The following MICAL2 variants were observed in gnomAD, a reference collection of about 807,000 sequenced individuals.
MICAL2 encodes the protein microtubule associated monooxygenase, calponin and LIM domain containing 2, also known as [F-actin]-monooxygenase MICAL2.
In MICAL2, 77 loss-of-function variants were observed where a neutral mutation model predicts 127.3. The ratio of observed to expected loss-of-function variants is 0.60; its 90% CI spans 0.50 to 0.73. The LOEUF is 0.73. Among genes scored for constraint, MICAL2 ranks in the 30% least tolerant of loss-of-function variants. MICAL2 has a pLI of 0.00. For synonymous variants in MICAL2, 570 were observed against 551.1 expected (o/e 1.03, Z -0.48); for missense variants, 1,351 against 1,434.4 (o/e 0.94, Z 0.94).
intron 31 of MICAL2, among the ~76,000 whole-genome samples, chr11:12,325,512 C>G (rs1362566538): frequency 2.0e-5 from 3 of 152,224 alleles, no homozygotes; most frequent in Admixed American, 1.3e-4. Flanking sequence ...TTATTTTCCT[C>G]ATGTTCTGGA....
chr11:12,160,230 G>A (rs948592207), intron 2 of MICAL2, among the ~76,000 whole-genome samples: 1 of 152,208 alleles, frequency 6.6e-6, no homozygotes, highest in African/African-American at 2.4e-5. Context: ...CCTGGCAGGT[G>A]GTGCCCAGTG....
At chr11:12,230,855 A>G (rs944557634) in intron 15 of MICAL2, among the ~76,000 whole-genome samples, 4 of 152,186 alleles carry the variant, frequency 2.6e-5, no homozygotes, top group Non-Finnish European at 5.9e-5. Context: ...ATGAGTGGTA[A>G]CCCAGTGGGT....
chr11:12,280,294 G>A (rs997155633), intron 1 of MICAL2, among the ~76,000 whole-genome samples: 17 of 152,278 alleles, frequency 1.1e-4, no homozygotes, highest in African/African-American at 1.9e-4. Flanking sequence ...GTCATGCTCC[G>A]GGGCAGGTGC....
At chr11:12,293,581 C>T, downstream of MICAL2, 1 of 1,612,580 alleles carries the variant, frequency 6.2e-7, no homozygotes, top group South Asian at 1.1e-5. Flanking sequence ...CTGAGCCCCT[C>T]TCGCAAGTCT....
At chr11:12,218,385 C>T (rs959085277) in intron 8 of MICAL2, among the ~76,000 whole-genome samples, 9 of 152,186 alleles carry the variant, frequency 5.9e-5, no homozygotes, top group Non-Finnish European at 1.3e-4. Context: ...TGGGACCCTC[C>T]AGCCACTAAG....
intron 15 of MICAL2, among the ~76,000 whole-genome samples, chr11:12,228,605 C>T (rs533558129): frequency 1.5e-4 from 23 of 152,192 alleles, no homozygotes; most frequent in Admixed American, 1.4e-3. Context: ...GAGTTTGAGG[C>T]GCTGGCAGAG....
intron 1 of MICAL2, among the ~76,000 whole-genome samples, chr11:12,280,632 A>G (rs1162671076): frequency 6.6e-6 from 1 of 152,214 alleles, no homozygotes; most frequent in African/African-American, 2.4e-5. Context: ...TTAGAAAGAT[A>G]TCAGGTGCAT....
At position 12,131,299 on chromosome 11, in the gene MICAL2, CAAAAAAAA is replaced by C. The variant is rs60340716; in HGVS notation, c.-148-7073_-148-7066del. Among the ~76,000 whole-genome samples, 9 of 13,700 alleles carry C rather than the reference CAAAAAAAA, an allele frequency of 6.6e-4. 3 individuals carry two copies. The highest frequency in any genetic ancestry group is 1.4e-3 in the African/African-American group (9 of 6,256). 9.0% of individuals were successfully genotyped at this position (13,700 alleles called of 152,430 possible). A position where few individuals can be genotyped will look rare whatever the true frequency, so the allele number is the denominator to read the frequency against. On this transcript the variant is annotated intron_variant, in intron 1 of 27. Transcript: ENST00000683283. ...TGGGCGACAGAGCGAGACTCCGTCT[CAAAAAAAA>C]AAAAAAAAAAAAAAAAAGATCCCAG...
chr11:12,227,573 T>C (rs1857639479), intron 15 of MICAL2, among the ~76,000 whole-genome samples: 1 of 152,224 alleles, frequency 6.6e-6, no homozygotes, highest in Non-Finnish European at 1.5e-5. Flanking sequence ...ATTCAACAAA[T>C]ATATATTGGG....
At chr11:12,120,084 C>G (rs1850380708) in intron 1 of MICAL2, among the ~76,000 whole-genome samples, 1 of 152,202 alleles carries the variant, frequency 6.6e-6, no homozygotes, top group African/African-American at 2.4e-5. Flanking sequence ...TGAATTTATG[C>G]TGTGTACGCT....
At chr11:12,228,715 G>T (rs1857809849) in intron 15 of MICAL2, among the ~76,000 whole-genome samples, 1 of 152,218 alleles carries the variant, frequency 6.6e-6, no homozygotes. Context: ...TACGGGATGG[G>T]CCCTGGAGAC....
rs111907000 is a variant in MICAL2, at chr11:12,147,736, G to A, written c.-78+9276G>A. 2.3e-3 allele frequency among the ~76,000 whole-genome samples: 350 copies of A among 152,310 alleles called. 1 individual carries two copies. The highest frequency in any genetic ancestry group is 8.1e-3 in the African/African-American group (337 of 41,566). On this transcript the variant is annotated intron_variant, in intron 2 of 27. Coordinates refer to ENST00000683283, the MANE Select transcript of MICAL2 (RefSeq NM_001282663.2). ...CTTGGCATCCACAGCACCTAGCAAG[G>A]CCCCAGTCACAATATAGGTTCTCAG... is the stretch of plus-strand genomic sequence containing the variant.
chr11:12,328,966 T>A (rs528668945), intron 32 of MICAL2, among the ~76,000 whole-genome samples: 2 of 32,878 alleles, frequency 6.1e-5, no homozygotes, highest in East Asian at 1.6e-3. Context: ...ATGGTTAATT[T>A]AGCAACTAGA....
chr11:12,242,153 T>G, intron 18 of MICAL2, 61 bp from the exon 19 acceptor site: 3 of 1,359,958 alleles, frequency 2.2e-6, no homozygotes, highest in East Asian at 2.5e-5. Context: ...GGATCCCTCA[T>G]GGTGAGGGTG....
At chr11:12,249,540 AC>A (rs1433325609) in intron 22 of MICAL2, among the ~76,000 whole-genome samples, 1 of 152,222 alleles carries the variant, frequency 6.6e-6, no homozygotes, top group East Asian at 1.9e-4. Flanking sequence ...ATCAGATCCA[AC>A]AGGCTGTCCT....
chr11:12,225,596 T>A (rs968781872), intron 13 of MICAL2: 1 of 153,308 alleles, frequency 6.5e-6, no homozygotes, highest in African/African-American at 2.4e-5. Flanking sequence ...CAAGCAATTC[T>A]CCTGCCTCAG....
At position 12,239,512 on chromosome 11, in the gene MICAL2, A is replaced by C. The variant is rs1859569943; in HGVS notation, c.2141A>C (p.Lys714Thr). ...GSSKEGGNQNKVKSMANQLLA... is the reference protein window; with the variant it reads ...GSSKEGGNQNTVKSMANQLLA... Reference sequence around the variant, plus strand: ...AGTAAGGAAGGTGGAAATCAGAACAAAGTCAAGTCCATGGCGAATCAGCTG... The same window carrying C: ...AGTAAGGAAGGTGGAAATCAGAACACAGTCAAGTCCATGGCGAATCAGCTG... The change falls in exon 17 of 28, where the codon AAA (lysine) becomes ACA (threonine). Residue 714 changes from lysine (K) to threonine (T), a missense_variant. Coordinates refer to ENST00000683283, the MANE Select transcript of MICAL2 (RefSeq NM_001282663.2). 1 of 1,614,076 alleles carries C rather than the reference A, an allele frequency of 6.2e-7. No homozygotes were observed. Among genetic ancestry groups the C allele is most frequent in the Admixed American group, 1.7e-5 (1 of 60,000 alleles).
chr11:12,283,099 G>A (rs910076878), intron 2 of MICAL2, among the ~76,000 whole-genome samples: 6 of 152,180 alleles, frequency 3.9e-5, no homozygotes, highest in African/African-American at 1.2e-4. Flanking sequence ...TTTTATCATT[G>A]CTAGGTGGAC....
At chr11:12,308,443 G>C (rs1261990778) in intron 29 of MICAL2, among the ~76,000 whole-genome samples, 1 of 152,048 alleles carries the variant, frequency 6.6e-6, no homozygotes, top group African/African-American at 2.4e-5. Context: ...CTTTAATTTA[G>C]AATGGTTTTT....
Sources: allele counts gnomAD v4.1 joint callset (sites outside exome capture counted in the v4.1 genomes callset), GRCh38; gene constraint gnomAD v4.1.1; transcripts MANE v1.5; gene names NCBI Gene and HGNC (gene_info 2026-07-23, HGNC 2026-07-21).